Variants in GDI2 observed in about 807,000 individuals in gnomAD.
GDI2 encodes rab GDP dissociation inhibitor beta.
In GDI2, 22 loss-of-function variants were observed where a neutral mutation model predicts 54.2. That is an observed-to-expected ratio of 0.41 (90% CI 0.29 to 0.58). The LOEUF (loss-of-function observed/expected upper bound fraction) is 0.58, where lower values mean the gene tolerates loss of function less well. Among genes scored for constraint, GDI2 ranks in the 20% least tolerant of loss-of-function variants. The pLI is 0.35. For missense variants in GDI2, 422 were observed against 546.0 expected (o/e 0.77, Z 2.26); for synonymous variants, 177 against 182.1 (o/e 0.97, Z 0.23).
intron 1 of GDI2, among the ~76,000 whole-genome samples, chr10:5,804,357 G>T (rs999073503): frequency 1.7e-4 from 26 of 152,186 alleles, no homozygotes; most frequent in African/African-American, 6.0e-4. Context: ...GCCTCCCAAA[G>T]TGCTGGGATT....
chr10:5,793,027 C>T (rs540557370), intron 4 of GDI2, among the ~76,000 whole-genome samples: 1 of 152,150 alleles, frequency 6.6e-6, no homozygotes, highest in East Asian at 1.9e-4. Context: ...CAGGGTCCCC[C>T]TCTGTCACCC....
At position 5,768,370 on chromosome 10, in the gene GDI2, C is replaced by A. The variant is rs779789164; in HGVS notation, c.834G>T (p.Lys278Asn). ...CGTAGCTGGGGTCACAGATGAGCTG[C>A]TTACAGCGAGCAATCTATAACAAAG... ...VKSEGEIARC[K>N]QLICDPSYVK... is the part of the protein sequence containing the mutation. Residue 278 changes from lysine (K) to asparagine (N), a missense_variant, in exon 8 of 11, where the codon AAG (lysine) becomes AAT (asparagine). Physicochemically the swap from Lys to Asn is moderately conservative, Grantham distance 94. Transcript: ENST00000380191. The surrounding 1 kb of genome is among the most constrained non-coding windows in gnomAD (Gnocchi z 4.4). 1 of 1,612,040 alleles carries A rather than the reference C, an allele frequency of 6.2e-7. No individual in the cohort carries two copies. Among genetic ancestry groups the A allele is most frequent in the East Asian group, 2.2e-5 (1 of 44,876 alleles).
Position 5,766,781 on chromosome 10 carries a change from G to A in GDI2, c.992-143C>T. ...CTTCTACACTTAAGTTCTAAATGGT[G>A]ACAGAGTTGGATGTAAAGTACACAG... On this transcript the variant is annotated intron_variant, in intron 8 of 10. Transcript: ENST00000380191. The surrounding 1 kb of genome is among the most constrained non-coding windows in gnomAD (Gnocchi z 5.8). 1.6e-6 allele frequency: 1 copy of A among 624,064 alleles called. No individual in the cohort carries two copies. 38.7% of individuals were successfully genotyped at this position (624,064 alleles called of 1,614,324 possible).
intron 6 of GDI2, among the ~76,000 whole-genome samples, chr10:5,782,810 G>A (rs370547475): frequency 1.4e-4 from 22 of 152,294 alleles, no homozygotes; most frequent in African/African-American, 4.8e-4. Flanking sequence ...GTGCATGCCT[G>A]TAATCCCAGC....
chr10:5,791,297 A>G (rs1564395023), intron 4 of GDI2, among the ~76,000 whole-genome samples: 2 of 152,070 alleles, frequency 1.3e-5, no homozygotes. Context: ...TGTTTCAAAA[A>G]AATAAATACA....
chr10:5,792,959 C>CAA (rs34475268), intron 4 of GDI2, among the ~76,000 whole-genome samples: 3,022 of 91,936 alleles, frequency 0.033, 59 homozygotes, highest in African/African-American at 0.067. Context: ...GACCTTTGTC[C>CAA]AAAAAAAAAA....
At position 5,765,724 on chromosome 10, in the gene GDI2, C is replaced by G. The variant is rs1840305024; in HGVS notation, c.*282G>C. On this transcript the variant is annotated 3_prime_UTR_variant, in exon 11 of 11. Coordinates refer to ENST00000380191, the MANE Select transcript of GDI2 (RefSeq NM_001494.4). Reference sequence around the variant, plus strand: ...GATTAAAAGATTAAAAAAACTGTCTCAAGTTGTCTGTGTCGGTATCCCAAT... The same window carrying G: ...GATTAAAAGATTAAAAAAACTGTCTGAAGTTGTCTGTGTCGGTATCCCAAT... 5.9e-6 allele frequency: 2 copies of G among 341,718 alleles called. No individual in the cohort carries two copies. The highest frequency in any genetic ancestry group is 5.2e-6 in the Non-Finnish European group (1 of 190,690). 21.2% of individuals were successfully genotyped at this position (341,718 alleles called of 1,614,324 possible). A position where few individuals can be genotyped will look rare whatever the true frequency, so the allele number is the denominator to read the frequency against.
intron 6 of GDI2, among the ~76,000 whole-genome samples, chr10:5,777,913 A>G (rs2131689253): frequency 6.6e-6 from 1 of 152,366 alleles, no homozygotes; most frequent in East Asian, 1.9e-4. Flanking sequence ...AGACGGGATA[A>G]AGAAAATGTG....
At chr10:5,784,047 ATTC>A (rs1244486484) in intron 6 of GDI2, among the ~76,000 whole-genome samples, 8 of 152,186 alleles carry the variant, frequency 5.3e-5, no homozygotes, top group African/African-American at 1.2e-4. Flanking sequence ...AAACTTTTAG[ATTC>A]TTCTTCTTCC....
intron 1 of GDI2, among the ~76,000 whole-genome samples, chr10:5,801,829 G>A (rs1015176844): frequency 2.6e-5 from 4 of 152,046 alleles, no homozygotes; most frequent in Admixed American, 6.6e-5. Context: ...TGGGCAATAC[G>A]GTGAAACCCT....
Position 5,813,342 on chromosome 10 carries a change from T to G in GDI2, c.-84A>C. 9.8e-7 allele frequency: 1 copy of G among 1,022,178 alleles called. No individual in the cohort carries two copies. The highest frequency in any genetic ancestry group is 1.5e-6 in the Non-Finnish European group (1 of 686,900). 63.3% of individuals were successfully genotyped at this position (1,022,178 alleles called of 1,614,324 possible). ...CACCCTACGAGGCTGGGAGGCGCTC[T>G]TGGGCGCGAAGGAAAGGGGAAGAGA... On this transcript the variant is annotated 5_prime_UTR_variant, in exon 1 of 11. Transcript: ENST00000380191.
At chr10:5,781,272 T>TA (rs34473822) in intron 6 of GDI2, among the ~76,000 whole-genome samples, 1,505 of 132,092 alleles carry the variant, frequency 0.011, 14 homozygotes, top group South Asian at 0.042. Flanking sequence ...ATAAAACTTC[T>TA]AAAAAAAAAA....
At chr10:5,783,512 G>T (rs897743735) in intron 6 of GDI2, among the ~76,000 whole-genome samples, 1 of 151,732 alleles carries the variant, frequency 6.6e-6, no homozygotes, top group African/African-American at 2.4e-5. Context: ...TGAACACCTT[G>T]TTTTTTTTCT....
intron 3 of GDI2, 37 bp from the exon 4 acceptor site, chr10:5,795,056 C>T (rs1461353935): frequency 4.3e-6 from 6 of 1,388,336 alleles, no homozygotes; most frequent in South Asian, 3.6e-5. Flanking sequence ...TAACTTAAGT[C>T]TATAAATTAT....
chr10:5,811,918 T>G (rs1277679730), intron 1 of GDI2: 1 of 1,188,954 alleles, frequency 8.4e-7, no homozygotes, highest in Non-Finnish European at 1.1e-6. Flanking sequence ...GGTTTTCTCT[T>G]GCCTAGAGAC....
chr10:5,778,244 C>T (rs930057421), intron 6 of GDI2, among the ~76,000 whole-genome samples: 3 of 152,008 alleles, frequency 2.0e-5, no homozygotes, highest in East Asian at 1.9e-4. Context: ...CAAACCTGCA[C>T]GTTCTGCACA....
At chr10:5,787,217 A>G (rs1204079222) in intron 4 of GDI2, among the ~76,000 whole-genome samples, 1 of 152,192 alleles carries the variant, frequency 6.6e-6, no homozygotes, top group East Asian at 1.9e-4. Context: ...TAAAACCATG[A>G]GGCTGGTCAG....
intron 1 of GDI2, among the ~76,000 whole-genome samples, chr10:5,803,979 T>G (rs1275773529): frequency 6.6e-6 from 1 of 152,224 alleles, no homozygotes; most frequent in Non-Finnish European, 1.5e-5. Flanking sequence ...ATTTTTAAAA[T>G]TCACACAAAT....
At position 5,768,507 on chromosome 10, in the gene GDI2, G is replaced by A; in HGVS notation, c.820-123C>T. 1.6e-6 allele frequency: 1 copy of A among 640,312 alleles called. No individual in the cohort carries two copies. The highest frequency in any genetic ancestry group is 2.8e-5 in the East Asian group (1 of 36,250). 39.7% of individuals were successfully genotyped at this position (640,312 alleles called of 1,614,324 possible). ...CAAAAACCATCCTCAAGTTCATATT[G>A]GTTCCCAAGGGATTGAATTCTGGAA... On this transcript the variant is annotated intron_variant, in intron 7 of 10. Coordinates refer to ENST00000380191, the MANE Select transcript of GDI2 (RefSeq NM_001494.4). The surrounding 1 kb of genome is among the most constrained non-coding windows in gnomAD (Gnocchi z 4.4).
Sources: gnomAD v4.1 joint callset for allele counts (sites outside exome capture counted in the v4.1 genomes callset) on GRCh38, gnomAD v4.1.1 for gene constraint, Gnocchi (gnomAD v3.1) non-coding constraint, MANE v1.5 for transcripts, NCBI Gene and HGNC (gene_info 2026-07-23, HGNC 2026-07-21) for gene names.